The following SLC41A2 variants were observed in gnomAD, a reference collection of about 807,000 sequenced individuals.
SLC41A2 encodes the protein SLC41A1-like 1.
SLC41A2 carries 32 observed loss-of-function variants against 58.3 expected under a neutral mutation model. The ratio of observed to expected loss-of-function variants is 0.55; its 90% CI spans 0.41 to 0.74. The LOEUF (loss-of-function observed/expected upper bound fraction) is 0.74, where lower values mean the gene tolerates loss of function less well. SLC41A2 is among the 30% of genes least tolerant of loss of function. The pLI is 0.00. For missense variants in SLC41A2, 514 were observed against 680.6 expected (o/e 0.76, Z 2.72); for synonymous variants, 190 against 235.0 (o/e 0.81, Z 1.75).
intron 10 of SLC41A2, among the ~76,000 whole-genome samples, chr12:104,842,105 A>G (rs1469742650): frequency 1.3e-5 from 2 of 152,126 alleles, no homozygotes; most frequent in Non-Finnish European, 1.5e-5. Flanking sequence ...TTAAAAGGTA[A>G]GTTTTAAGTG....
chr12:104,896,489 T>C (rs553977296), intron 3 of SLC41A2, among the ~76,000 whole-genome samples: 1 of 152,320 alleles, frequency 6.6e-6, no homozygotes, highest in African/African-American at 2.4e-5. Flanking sequence ...GTACAAGCAA[T>C]GTTTACAGAG....
intron 3 of SLC41A2, among the ~76,000 whole-genome samples, chr12:104,901,792 T>A (rs1433726394): frequency 3.3e-5 from 5 of 152,220 alleles, no homozygotes; most frequent in African/African-American, 1.2e-4. Flanking sequence ...AATATCTTTT[T>A]ATCTGTGAAC....
At chr12:104,920,045 C>T (rs774475146) in intron 2 of SLC41A2, among the ~76,000 whole-genome samples, 1 of 152,184 alleles carries the variant, frequency 6.6e-6, no homozygotes, top group Non-Finnish European at 1.5e-5. Flanking sequence ...TGTTGAATTG[C>T]TCCAGCACCA....
chr12:104,822,400 G>T (rs550472788), intron 10 of SLC41A2, among the ~76,000 whole-genome samples: 51 of 152,218 alleles, frequency 3.4e-4, no homozygotes, highest in African/African-American at 1.2e-3. Flanking sequence ...CTGGAAAAAG[G>T]CATATTCGCT....
At chr12:104,913,070 T>C (rs924311474) in intron 2 of SLC41A2, among the ~76,000 whole-genome samples, 4 of 152,170 alleles carry the variant, frequency 2.6e-5, no homozygotes, top group African/African-American at 4.8e-5. Context: ...GAAATACTTA[T>C]GGGAGAATTA....
At chr12:104,835,451 T>C (rs1434175766) in intron 10 of SLC41A2, among the ~76,000 whole-genome samples, 1 of 152,220 alleles carries the variant, frequency 6.6e-6, no homozygotes, top group East Asian at 1.9e-4. Flanking sequence ...AGGAAATTTC[T>C]GGCTGTTTTC....
chr12:104,831,714 C>G (rs1171512826), intron 10 of SLC41A2, among the ~76,000 whole-genome samples: 2 of 152,100 alleles, frequency 1.3e-5, no homozygotes, highest in African/African-American at 4.8e-5. Flanking sequence ...TCAGGTGCTT[C>G]CCTATTACCC....
chr12:104,885,307 A>G (rs2044602033), intron 6 of SLC41A2, among the ~76,000 whole-genome samples: 1 of 152,208 alleles, frequency 6.6e-6, no homozygotes. Flanking sequence ...ACTTAAGGCA[A>G]TTTTATATGC....
intron 3 of SLC41A2, among the ~76,000 whole-genome samples, chr12:104,906,827 T>C (rs1370501698): frequency 6.6e-6 from 1 of 152,212 alleles, no homozygotes; most frequent in Non-Finnish European, 1.5e-5. Context: ...GTTACATTTA[T>C]TAAATACAAT....
upstream of SLC41A2, chr12:104,958,376 C>A (rs1041910282): frequency 4.0e-5 from 6 of 149,398 alleles, no homozygotes; most frequent in Non-Finnish European, 7.5e-5. Flanking sequence ...GCCGCGCCGC[C>A]GCCGGGGAAG....
rs200220162 is a variant in SLC41A2 at position 104,928,312 on chromosome 12, T to C, written c.216A>G (p.Ala72=). 1.9e-5 allele frequency: 30 copies of C among 1,613,446 alleles called. No individual in the cohort carries two copies. The Admixed American group carries it at 2.7e-4, about 14-fold the overall frequency. Residue 72 remains alanine, a synonymous_variant, in exon 2 of 11, where the codon GCA becomes GCG. Coordinates refer to ENST00000258538, the MANE Select transcript of SLC41A2 (RefSeq NM_001352171.3). ...CAGATCTATTACTAAAAGTCTGTAC[T>C]GCAGTTGATAATCCATCTTGCCAAA... The part of the protein sequence containing the change: ...NGIWQDGLST[A]VQTFSNRSEQ...
rs12307950 is a variant in SLC41A2 at position 104,947,201 on chromosome 12, T to G, written c.-168+10887A>C. ...TCTGGCTTTTATTTTTGTCCTTTTT[T>G]TTTTTTTTTTTTTTTTTTTTGAGAC... On this transcript the variant is annotated intron_variant, in intron 1 of 10. Transcript: ENST00000258538. 2.9e-3 allele frequency among the ~76,000 whole-genome samples: 385 copies of G among 132,698 alleles called. 37 individuals carry two copies. The highest frequency in any genetic ancestry group is 0.011 in the African/African-American group (367 of 32,720). The allele number at this position is 132,698 out of a possible 152,430, so 87.1% of individuals were successfully genotyped here. A position where few individuals can be genotyped will look rare whatever the true frequency, so the allele number is the denominator to read the frequency against.
intron 8 of SLC41A2, among the ~76,000 whole-genome samples, chr12:104,855,381 A>T (rs866608554): frequency 6.6e-6 from 1 of 152,182 alleles, no homozygotes; most frequent in African/African-American, 2.4e-5. Flanking sequence ...CTTCGCTATC[A>T]GAGTGACTAT....
At chr12:104,828,419 C>T (rs2041926051) in intron 10 of SLC41A2, among the ~76,000 whole-genome samples, 2 of 152,190 alleles carry the variant, frequency 1.3e-5, no homozygotes, top group South Asian at 2.1e-4. Context: ...ATACAGAAAG[C>T]CGTCTGTCCT....
intron 3 of SLC41A2, among the ~76,000 whole-genome samples, chr12:104,906,236 G>T (rs1294528883): frequency 6.6e-6 from 1 of 152,174 alleles, no homozygotes; most frequent in East Asian, 1.9e-4. Flanking sequence ...TGGGATACAG[G>T]AACCAATATA....
At chr12:104,902,392 T>A (rs2045608321) in intron 3 of SLC41A2, among the ~76,000 whole-genome samples, 1 of 152,144 alleles carries the variant, frequency 6.6e-6, no homozygotes, top group South Asian at 2.1e-4. Flanking sequence ...TGATTGGTAA[T>A]GTTAATAAAC....
chr12:104,915,788 C>T (rs1048402377), intron 2 of SLC41A2, among the ~76,000 whole-genome samples: 10 of 152,112 alleles, frequency 6.6e-5, no homozygotes, highest in Admixed American at 5.9e-4. Context: ...TTGCCCTGGC[C>T]AGAACTTCCA....
chr12:104,926,583 G>C (rs550931917), intron 2 of SLC41A2, among the ~76,000 whole-genome samples: 2 of 147,946 alleles, frequency 1.4e-5, no homozygotes, highest in African/African-American at 5.0e-5. Flanking sequence ...GCTAGACTGC[G>C]CCTTAAAAAA....
chr12:104,830,192 A>G (rs1408724888), intron 10 of SLC41A2, among the ~76,000 whole-genome samples: 4 of 152,220 alleles, frequency 2.6e-5, no homozygotes, highest in African/African-American at 7.2e-5. Flanking sequence ...AATCTTATTT[A>G]TCACTTAACT....
Sources: gnomAD v4.1 joint callset for allele counts (sites outside exome capture counted in the v4.1 genomes callset) on GRCh38, gnomAD v4.1.1 for gene constraint, MANE v1.5 for transcripts, NCBI Gene and HGNC (gene_info 2026-07-23, HGNC 2026-07-21) for gene names.